The following FEZ2 variants were observed in gnomAD, a reference collection of about 807,000 sequenced individuals.
FEZ2 encodes the protein fasciculation and elongation protein zeta 2.
A neutral mutation model predicts 40.4 loss-of-function variants in FEZ2; 51 were observed. The observed-to-expected ratio is 1.26, with a 90% CI of 1.01 to 1.59. The LOEUF is 1.59. Among genes scored for constraint, FEZ2 ranks in the 40% most tolerant of loss-of-function variants. FEZ2 has a pLI of 0.00. For missense variants in FEZ2, 640 were observed against 438.3 expected (o/e 1.46, Z -4.11); for synonymous variants, 242 against 172.0 (o/e 1.41, Z -3.18).
At chr2:36,591,276 A>G (rs2148351096) in intron 1 of FEZ2, 1 of 468,748 alleles carries the variant, frequency 2.1e-6, no homozygotes. Flanking sequence ...CACTTCCATT[A>G]TATTAGGTGC....
chr2:36,567,479 C>T (rs139820654), intron 5 of FEZ2, among the ~76,000 whole-genome samples: 161 of 152,158 alleles, frequency 1.1e-3, no homozygotes, highest in African/African-American at 3.4e-3. Context: ...TCTCAAACCC[C>T]GGCCAGGCAC....
At position 36,575,736 on chromosome 2, in the gene FEZ2, A is replaced by G. The variant is rs115787754; in HGVS notation, c.903+2861T>C. Among the ~76,000 whole-genome samples, 1,391 of 152,254 alleles carry G rather than the reference A, an allele frequency of 9.1e-3. 13 individuals carry two copies. The highest frequency in any genetic ancestry group is 0.032 in the African/African-American group (1,333 of 41,530). ...TCTATTTTTTTTTTCACCACAACAA[A>G]TATTTAAAACAAAATCTGTCTCCAA... On this transcript the variant is annotated intron_variant, in intron 5 of 7. Transcript: ENST00000405912.
intron 5 of FEZ2, among the ~76,000 whole-genome samples, chr2:36,569,483 C>G (rs1248588155): frequency 6.6e-6 from 1 of 152,182 alleles, no homozygotes; most frequent in East Asian, 1.9e-4. Flanking sequence ...AAAGCTTAAA[C>G]AGAAAACAAG....
intron 3 of FEZ2, among the ~76,000 whole-genome samples, chr2:36,582,886 AG>A (rs1176670528): frequency 6.6e-6 from 1 of 152,226 alleles, no homozygotes; most frequent in Non-Finnish European, 1.5e-5. Flanking sequence ...AAGTGAATAC[AG>A]GGTTGACCTT....
Position 36,570,897 on chromosome 2 carries a change from C to T in FEZ2, c.903+7700G>A, listed in dbSNP as rs566601209. On this transcript the variant is annotated intron_variant, in intron 5 of 7. Coordinates refer to ENST00000405912, the MANE Select transcript of FEZ2 (RefSeq NM_005102.3). ...TCACTATGTGGCACAAGACTGTATA[C>T]AAGAAGAACACAATTTCCTGGCACA... 9.2e-5 allele frequency among the ~76,000 whole-genome samples: 14 copies of T among 152,286 alleles called. No individual in the cohort carries two copies. In the South Asian group the frequency reaches 2.9e-3, roughly 32 times the overall value.
intron 5 of FEZ2, among the ~76,000 whole-genome samples, chr2:36,564,519 C>A (rs1433787230): frequency 6.6e-6 from 1 of 152,098 alleles, no homozygotes; most frequent in Non-Finnish European, 1.5e-5. Context: ...CATAAGGGGG[C>A]ACAAAAAGCA....
rs764344006 is a variant in FEZ2, at chr2:36,578,692, G to C, written c.808C>G (p.Gln270Glu). 6.2e-7 allele frequency: 1 copy of C among 1,613,500 alleles called. No individual in the cohort carries two copies. Among genetic ancestry groups the C allele is most frequent in the South Asian group, 1.1e-5 (1 of 91,052 alleles). ...TTTGCTGTTTCTTTGTGCTCTTTCT[G>C]TTTGTTTTGCACTTCAATAAGAACA... is the stretch of plus-strand genomic sequence containing the variant. Reference protein sequence around the residue: ...ISVLIEVQNKQKEHKETAKKK... With the variant: ...ISVLIEVQNKEKEHKETAKKK... Residue 270 changes from glutamine (Q) to glutamate (E), a missense_variant, in exon 5 of 8, where the codon CAG becomes GAG. Gln to Glu is a conservative substitution (Grantham distance 29). Transcript: ENST00000405912.
intron 5 of FEZ2, among the ~76,000 whole-genome samples, chr2:36,565,778 A>C (rs1163729862): frequency 6.6e-6 from 1 of 152,152 alleles, no homozygotes; most frequent in African/African-American, 2.4e-5. Flanking sequence ...TGACATTTCC[A>C]GTCAGATCAT....
chr2:36,593,414 C>T (rs550461047), intron 1 of FEZ2, among the ~76,000 whole-genome samples: 1 of 152,230 alleles, frequency 6.6e-6, no homozygotes, highest in Admixed American at 6.5e-5. Context: ...CCTGCCCCTG[C>T]AACAAACTTT....
chr2:36,566,447 T>G (rs1668242060), intron 5 of FEZ2, among the ~76,000 whole-genome samples: 1 of 152,148 alleles, frequency 6.6e-6, no homozygotes, highest in Admixed American at 6.5e-5. Context: ...CAGGTTAATT[T>G]TTCATAAATT....
At chr2:36,583,230 G>A in intron 3 of FEZ2, 123 bp downstream of exon 3, 1 of 622,712 alleles carries the variant, frequency 1.6e-6, no homozygotes, top group Non-Finnish European at 2.9e-6. Flanking sequence ...TATTAAGCCT[G>A]TATAACCAGA....
chr2:36,596,799 G>A (rs753179268), intron 1 of FEZ2, among the ~76,000 whole-genome samples: 2 of 151,990 alleles, frequency 1.3e-5, no homozygotes, highest in African/African-American at 4.8e-5. Flanking sequence ...CAGCCTCTCC[G>A]GAGGCTCCTC....
At chr2:36,557,250 T>C (rs1043232337) in intron 6 of FEZ2, 3 of 152,170 alleles carry the variant, frequency 2.0e-5, no homozygotes, top group Admixed American at 6.6e-5. Context: ...CTGTGTGATC[T>C]TGGACACATA....
chr2:36,574,334 T>G (rs771433161), intron 5 of FEZ2, among the ~76,000 whole-genome samples: 3 of 152,190 alleles, frequency 2.0e-5, no homozygotes, highest in Admixed American at 6.5e-5. Context: ...AGATCCAATA[T>G]AGAAATATAT....
At chr2:36,585,386 G>C (rs1005450164) in intron 2 of FEZ2, among the ~76,000 whole-genome samples, 4 of 152,160 alleles carry the variant, frequency 2.6e-5, no homozygotes, top group African/African-American at 9.7e-5. Context: ...AAGTGACAAA[G>C]AGAATTCTCG....
chr2:36,595,187 G>T (rs986907791), intron 1 of FEZ2, among the ~76,000 whole-genome samples: 1 of 152,102 alleles, frequency 6.6e-6, no homozygotes, highest in Non-Finnish European at 1.5e-5. Context: ...AGTGCCAAGG[G>T]TCGGGGAGGG....
rs1294845552 is a variant in FEZ2 at position 36,598,032 on chromosome 2, C to A, written c.111G>T (p.Gly37=). The A allele has an allele frequency of 1.3e-6, 2 of 1,500,826 alleles. No individual in the cohort carries two copies. The highest frequency in any genetic ancestry group is 5.6e-5 in the East Asian group (2 of 35,944). The allele number at this position is 1,500,826 out of a possible 1,614,324, so 93.0% of individuals were successfully genotyped here. The change falls in exon 1 of 8, where the codon GGG becomes GGT. Residue 37 remains glycine (G), a synonymous_variant. Coordinates refer to ENST00000405912, the MANE Select transcript of FEZ2 (RefSeq NM_005102.3). ...CGTCGGCGCCCCCACCCGCCTCGGC[C>A]CCCGCCTCCGCCCCAGGCTCGGGGC... is the stretch of plus-strand genomic sequence containing the variant. The part of the protein sequence containing the change: ...NASPEPGAEA[G]AEAGGGADGF...
chr2:36,555,620 C>T (rs114043301), intron 7 of FEZ2, 63 bp downstream of exon 7: 8,704 of 809,992 alleles, frequency 0.011, 68 homozygotes, highest in Non-Finnish European at 0.013. Flanking sequence ...ATTAGCAAGG[C>T]GATGTATTTA....
intron 6 of FEZ2, 35 bp from the exon 7 acceptor site, chr2:36,555,783 T>A: frequency 7.9e-7 from 1 of 1,260,040 alleles, no homozygotes; most frequent in South Asian, 1.4e-5. Context: ...AGACAACAAT[T>A]AAAAATTTAG....
Sources: allele counts gnomAD v4.1 joint callset (sites outside exome capture counted in the v4.1 genomes callset), GRCh38; gene constraint gnomAD v4.1.1; transcripts MANE v1.5; gene names NCBI Gene and HGNC (gene_info 2026-07-23, HGNC 2026-07-21).